The following ANKAR variants were observed in gnomAD, a reference collection of about 807,000 sequenced individuals.
The protein encoded by ANKAR is ankyrin and armadillo repeat containing.
Under a neutral mutation model 146.2 loss-of-function variants are expected in ANKAR, and 136 were observed. That is an observed-to-expected ratio of 0.93 (90% CI 0.81 to 1.07). The LOEUF (loss-of-function observed/expected upper bound fraction) is 1.07, where lower values mean the gene tolerates loss of function less well. ANKAR is among the 50% of genes least tolerant of loss of function. ANKAR has a pLI of 0.00. For missense variants in ANKAR, 1,567 were observed against 1,679.9 expected, an observed-to-expected ratio of 0.93 and a Z score of 1.18; for synonymous variants, 500 against 575.8, an observed-to-expected ratio of 0.87 and a Z score of 1.88.
At chr2:189,684,498 A>T (rs927405021) in intron 2 of ANKAR, among the ~76,000 whole-genome samples, 1 of 152,164 alleles carries the variant, frequency 6.6e-6, no homozygotes, top group African/African-American at 2.4e-5. Context: ...TCAGCACCTT[A>T]TACAGTGCAT....
downstream of ANKAR, among the ~76,000 whole-genome samples, chr2:189,749,161 G>A (rs2044657644): frequency 7.1e-6 from 1 of 141,844 alleles, no homozygotes; most frequent in East Asian, 2.2e-4. Flanking sequence ...CAGGAGAATT[G>A]CTTGAACCTG....
chr2:189,761,726 T>C, downstream of ANKAR: 1 of 1,409,796 alleles, frequency 7.1e-7, no homozygotes, highest in Non-Finnish European at 9.3e-7. Context: ...TTTTTCAATA[T>C]ATAGTTTTAC....
chr2:189,693,892 G>A (rs1038466618), intron 5 of ANKAR, among the ~76,000 whole-genome samples: 2 of 152,098 alleles, frequency 1.3e-5, no homozygotes, highest in South Asian at 2.1e-4. Context: ...AGGATTACAG[G>A]CATGCGCCAC....
intron 18 of ANKAR, among the ~76,000 whole-genome samples, chr2:189,755,797 T>C (rs2045984019): frequency 6.6e-6 from 1 of 152,208 alleles, no homozygotes; most frequent in African/African-American, 2.4e-5. Context: ...ATGGATTTGT[T>C]TGTTGACAAA....
intron 18 of ANKAR, chr2:189,755,598 T>C (rs1279532063): frequency 5.1e-6 from 8 of 1,564,628 alleles, no homozygotes; most frequent in Non-Finnish European, 6.9e-6. Flanking sequence ...AGTTTTAAGA[T>C]TGTAAAAATG....
Position 189,720,718 on chromosome 2 carries a change from A to G in ANKAR, c.2566A>G (p.Asn856Asp), listed in dbSNP as rs1269238387. 1.3e-6 allele frequency: 2 copies of G among 1,522,920 alleles called. No individual in the cohort carries two copies. Among genetic ancestry groups the G allele is most frequent in the South Asian group, 1.3e-5 (1 of 74,192 alleles). The allele number at this position is 1,522,920 out of a possible 1,614,324, so 94.3% of individuals were successfully genotyped here. The change falls in exon 12 of 23, where the codon AAC becomes GAC. Residue 856 changes from asparagine to aspartate, a missense_variant. Coordinates refer to ENST00000684021, the MANE Select transcript of ANKAR (RefSeq NM_001378068.1). Reference protein sequence around the residue: ...CIRVLCIGNENNQRAVREHKG... With the variant: ...CIRVLCIGNEDNQRAVREHKG... ...ACGGGTATTGTGTATAGGAAATGAA[A>G]ACAATCAAAGAGCTGTGAGAGAACA...
In ANKAR at chr2:189,677,003, C is replaced by T. The variant is rs767208721; in HGVS notation, c.513C>T (p.Phe171=). The T allele has an allele frequency of 2.5e-6, 4 of 1,613,314 alleles. No individual in the cohort carries two copies. Among genetic ancestry groups the T allele is most frequent in the Non-Finnish European group, 3.4e-6 (4 of 1,179,956 alleles). Reference sequence around the variant, plus strand: ...TGCCCAAAGAAAAACGAGCTAGATTCTCTGAATTGTGGCGTGCCATCATGG... The same window carrying T: ...TGCCCAAAGAAAAACGAGCTAGATTTTCTGAATTGTGGCGTGCCATCATGG... ...IYMPKEKRAR[F]SELWRAIMDI... The change falls in exon 2 of 23, where the codon TTC becomes TTT. Residue 171 remains phenylalanine, a synonymous_variant. Coordinates refer to ENST00000684021, the MANE Select transcript of ANKAR (RefSeq NM_001378068.1).
chr2:189,749,693 T>C (rs1224790929), downstream of ANKAR, among the ~76,000 whole-genome samples: 1 of 150,452 alleles, frequency 6.6e-6, no homozygotes, highest in Non-Finnish European at 1.5e-5. Flanking sequence ...AAACCTCAAA[T>C]TATATAGATT....
intron 11 of ANKAR, among the ~76,000 whole-genome samples, chr2:189,720,361 C>T (rs1392999454): frequency 6.6e-6 from 1 of 151,886 alleles, no homozygotes; most frequent in Non-Finnish European, 1.5e-5. Context: ...GATTCTCCTG[C>T]CTCATCCTCC....
At chr2:189,733,060 T>G (rs761099558) in intron 16 of ANKAR, 47 bp from the exon 17 acceptor site, 3 of 1,561,956 alleles carry the variant, frequency 1.9e-6, no homozygotes, top group Admixed American at 3.8e-5. Flanking sequence ...AATGTGTAAT[T>G]TCATAAAGCA....
chr2:189,722,557 T>TGA, intron 12 of ANKAR, among the ~76,000 whole-genome samples: 1 of 151,880 alleles, frequency 6.6e-6, no homozygotes, highest in Non-Finnish European at 1.5e-5. Context: ...TAGCAACAAT[T>TGA]TGAATAAATA....
intron 3 of ANKAR, among the ~76,000 whole-genome samples, chr2:189,691,738 G>C (rs2036444861): frequency 6.7e-6 from 1 of 149,736 alleles, no homozygotes; most frequent in African/African-American, 2.4e-5. Context: ...TATATAAACA[G>C]TAATTAACTG....
chr2:189,704,716 CATTTT>C (rs1446678253), intron 7 of ANKAR, among the ~76,000 whole-genome samples: 1 of 149,026 alleles, frequency 6.7e-6, no homozygotes, highest in African/African-American at 2.5e-5. Flanking sequence ...AAATACTTAA[CATTTT>C]ATTTTATTTT....
chr2:189,746,486 G>C lies in ANKAR; in HGVS notation c.4164G>C (p.Lys1388Asn). ...TGGGACTCTTCAAAGCAACAAAAAA[G>C]ACCAAGGATTCCCATAATATTTTTT... ...NFMGLFKATKKTKDSHNIFSF... is the reference protein window; with the variant it reads ...NFMGLFKATKNTKDSHNIFSF... Residue 1388 changes from lysine (K) to asparagine (N), a missense_variant, in exon 23 of 23, where the codon AAG (lysine) becomes AAC (asparagine). Coordinates refer to ENST00000684021, the MANE Select transcript of ANKAR (RefSeq NM_001378068.1). The C allele has an allele frequency of 1.2e-6, 2 of 1,613,778 alleles. No individual in the cohort carries two copies. The highest frequency in any genetic ancestry group is 1.7e-6 in the Non-Finnish European group (2 of 1,179,882).
downstream of ANKAR, among the ~76,000 whole-genome samples, chr2:189,748,544 C>T (rs569381885): frequency 1.3e-5 from 2 of 152,306 alleles, no homozygotes; most frequent in African/African-American, 4.8e-5. Context: ...AAATAAGAGA[C>T]CTCTTTAATC....
chr2:189,748,641 T>C (rs1337435072), downstream of ANKAR, among the ~76,000 whole-genome samples: 2 of 152,166 alleles, frequency 1.3e-5, no homozygotes, highest in African/African-American at 4.8e-5. Context: ...CGGAGGGAAA[T>C]GGTCTATTTT....
chr2:189,682,810 G>A (rs927705395), intron 2 of ANKAR, among the ~76,000 whole-genome samples: 1 of 152,186 alleles, frequency 6.6e-6, no homozygotes, highest in Non-Finnish European at 1.5e-5. Context: ...ATGTGCTGTC[G>A]AGCTTTTTCA....
At chr2:189,678,391 G>T (rs78138151) in intron 2 of ANKAR, among the ~76,000 whole-genome samples, 13 of 152,224 alleles carry the variant, frequency 8.5e-5, no homozygotes, top group African/African-American at 3.1e-4. Flanking sequence ...TCTGTGGGTT[G>T]TCTGTTTACT....
intron 2 of ANKAR, among the ~76,000 whole-genome samples, chr2:189,687,736 G>A (rs2105785861): frequency 1.3e-5 from 2 of 152,258 alleles, no homozygotes; most frequent in East Asian, 3.9e-4. Flanking sequence ...CTTTTCGTAT[G>A]CCTGTTTGAC....
Sources: gnomAD v4.1 joint callset for allele counts (sites outside exome capture counted in the v4.1 genomes callset) on GRCh38, gnomAD v4.1.1 for gene constraint, MANE v1.5 for transcripts, NCBI Gene and HGNC (gene_info 2026-07-23, HGNC 2026-07-21) for gene names.